The following CMKLR1 variants were observed in gnomAD, a reference collection of about 807,000 sequenced individuals.
The protein encoded by CMKLR1 is chemerin chemokine-like receptor 1.
CMKLR1 carries 6 observed loss-of-function variants against 8.2 expected under a neutral mutation model. That is an observed-to-expected ratio of 0.73 (90% CI 0.40 to 1.44). The LOEUF (loss-of-function observed/expected upper bound fraction) is 1.44, where lower values mean the gene tolerates loss of function less well. CMKLR1 is among the 40% of genes most tolerant of loss of function. CMKLR1 has a pLI of 0.02. For missense variants in CMKLR1, 429 were observed against 478.0 expected (o/e 0.90, Z 0.96); for synonymous variants, 178 against 181.2 (o/e 0.98, Z 0.14).
chr12:108,294,788 A>C (rs1891087347), intron 2 of CMKLR1, among the ~76,000 whole-genome samples: 1 of 152,182 alleles, frequency 6.6e-6, no homozygotes, highest in African/African-American at 2.4e-5. Context: ...AATGGGCTCC[A>C]AACCAGATAT....
intron 2 of CMKLR1, among the ~76,000 whole-genome samples, chr12:108,300,514 A>C (rs1173456773): frequency 6.6e-6 from 1 of 152,132 alleles, no homozygotes; most frequent in African/African-American, 2.4e-5. Flanking sequence ...TTTCTGTCTC[A>C]CTGGATCTGT....
chr12:108,301,226 C>A (rs1362081903), intron 2 of CMKLR1, among the ~76,000 whole-genome samples: 5 of 151,924 alleles, frequency 3.3e-5, no homozygotes, highest in South Asian at 4.2e-4. Context: ...CAGGCACATC[C>A]CACCACGCCC....
chr12:108,329,425 T>C (rs534007094), intron 2 of CMKLR1, among the ~76,000 whole-genome samples: 4 of 152,322 alleles, frequency 2.6e-5, no homozygotes, highest in African/African-American at 7.2e-5. Flanking sequence ...AATTCACCCT[T>C]TGAACCCAGC....
intron 2 of CMKLR1, among the ~76,000 whole-genome samples, chr12:108,299,367 T>C (rs1471874333): frequency 6.6e-6 from 1 of 152,106 alleles, no homozygotes; most frequent in Non-Finnish European, 1.5e-5. Flanking sequence ...TTTTTTTCAG[T>C]GTAGGAGTTT....
intron 1 of CMKLR1, among the ~76,000 whole-genome samples, chr12:108,332,171 C>T (rs1892123800): frequency 6.6e-6 from 1 of 152,228 alleles, no homozygotes; most frequent in African/African-American, 2.4e-5. Context: ...ACTCTCTCAA[C>T]AACCCTGGGC....
chr12:108,332,635 C>T (rs115128639), intron 1 of CMKLR1, among the ~76,000 whole-genome samples: 3,771 of 152,236 alleles, frequency 0.025, 170 homozygotes, highest in African/African-American at 0.087. Flanking sequence ...TTCTTGCCCT[C>T]GAACATCGGA....
At chr12:108,326,968 A>G (rs534592685) in intron 2 of CMKLR1, among the ~76,000 whole-genome samples, 184 of 152,084 alleles carry the variant, frequency 1.2e-3, no homozygotes, top group Non-Finnish European at 2.4e-3. Context: ...CCTGTCATCA[A>G]CTCTAATTTA....
chr12:108,320,742 A>T (rs1056568261), intron 2 of CMKLR1: 1 of 152,290 alleles, frequency 6.6e-6, no homozygotes, highest in Non-Finnish European at 1.5e-5. Context: ...GGTCACACCC[A>T]CATCCACACT....
intron 2 of CMKLR1, among the ~76,000 whole-genome samples, chr12:108,304,786 G>A (rs1438939651): frequency 2.6e-5 from 4 of 152,156 alleles, no homozygotes; most frequent in African/African-American, 4.8e-5. Flanking sequence ...TCACCTGTGC[G>A]CCTAGCCAGC....
intron 2 of CMKLR1, among the ~76,000 whole-genome samples, chr12:108,324,771 C>A (rs1891943594): frequency 6.6e-6 from 1 of 152,032 alleles, no homozygotes; most frequent in African/African-American, 2.4e-5. Flanking sequence ...GCTGAGGGTG[C>A]ACCCTTCTGC....
intron 2 of CMKLR1, among the ~76,000 whole-genome samples, chr12:108,303,245 C>T (rs1891324539): frequency 6.6e-6 from 1 of 152,310 alleles, no homozygotes; most frequent in African/African-American, 2.4e-5. Flanking sequence ...CCTCGTCGAG[C>T]CCAGCCCCTG....
In CMKLR1 at chr12:108,288,957, C is replaced by CG. The variant is rs964019925; in HGVS notation, c.*2883_*2884insC. 4 of 108,812 alleles carry CG rather than the reference C, an allele frequency of 3.7e-5. No individual in the cohort carries two copies. Among genetic ancestry groups the CG allele is most frequent in the South Asian group, 2.5e-4 (1 of 3,964 alleles). 6.7% of individuals were successfully genotyped at this position (108,812 alleles called of 1,614,324 possible). A position where few individuals can be genotyped will look rare whatever the true frequency, so the allele number is the denominator to read the frequency against. ...GAAACAGAAACTCACTTTCTGCACC[C>CG]CCCCCCCACCTTGCTATGATGGTCC... On this transcript the variant is annotated 3_prime_UTR_variant, in exon 4 of 4. Coordinates refer to ENST00000550402, the MANE Select transcript of CMKLR1 (RefSeq NM_001142343.2).
At chr12:108,310,017 A>G (rs977562133) in intron 2 of CMKLR1, among the ~76,000 whole-genome samples, 5 of 152,184 alleles carry the variant, frequency 3.3e-5, no homozygotes, top group African/African-American at 4.8e-5. Context: ...GTAAAGAGAA[A>G]GGGCTGGGGA....
chr12:108,318,556 G>GAT lies in CMKLR1; in HGVS notation c.-74+11437_-74+11438dup, dbSNP rs1346437959. Among the ~76,000 whole-genome samples, 6 of 152,330 alleles carry GAT rather than the reference G, an allele frequency of 3.9e-5. No individual in the cohort carries two copies. In the East Asian group the frequency reaches 1.2e-3, roughly 29 times the overall value. On this transcript the variant is annotated intron_variant, in intron 2 of 3. Coordinates refer to ENST00000550402, the MANE Select transcript of CMKLR1 (RefSeq NM_001142343.2). ...TCAGCTATCAGGAGAGAATTCTGTG[G>GAT]ATATATGACAGTATCCACAGTGTGA...
chr12:108,323,414 G>A (rs540081531), intron 2 of CMKLR1, among the ~76,000 whole-genome samples: 7 of 151,990 alleles, frequency 4.6e-5, no homozygotes, highest in East Asian at 3.9e-4. Context: ...CACAGGCTCC[G>A]GTGGGCTGGG....
intron 2 of CMKLR1, among the ~76,000 whole-genome samples, chr12:108,299,030 C>A (rs938727354): frequency 6.6e-6 from 1 of 152,246 alleles, no homozygotes; most frequent in Non-Finnish European, 1.5e-5. Context: ...GATGTGCAAT[C>A]TGCAAAATGA....
chr12:108,293,669 AGG>A lies in CMKLR1; in HGVS notation c.-73-7_-73-6del. ...CCTGTACACAGCTAGAAACACCTGT[AGG>A]GAAAAAAAAAAAAAAAAAAGCAGCA... is the stretch of plus-strand genomic sequence containing the variant. On this transcript the variant is annotated splice_region_variant and splice_polypyrimidine_tract_variant and intron_variant, in intron 2 of 3. Coordinates refer to ENST00000550402, the MANE Select transcript of CMKLR1 (RefSeq NM_001142343.2). 1.1e-6 allele frequency: 1 copy of A among 889,708 alleles called. No individual in the cohort carries two copies. Among genetic ancestry groups the A allele is most frequent in the Non-Finnish European group, 1.7e-6 (1 of 601,910 alleles). 55.1% of individuals were successfully genotyped at this position (889,708 alleles called of 1,614,324 possible).
In CMKLR1 at chr12:108,308,679, C is replaced by T. The variant is rs187040366; in HGVS notation, c.-73-15015G>A. 2.2e-3 allele frequency among the ~76,000 whole-genome samples: 331 copies of T among 152,246 alleles called. 2 individuals carry two copies. Among genetic ancestry groups the T allele is most frequent in the African/African-American group, 7.4e-3 (306 of 41,548 alleles). On this transcript the variant is annotated intron_variant, in intron 2 of 3. Transcript: ENST00000550402. ...GGGTGAGGACGGGCAAGGCAGGGGC[C>T]CCTCCAGACAGGCTGACTCAAATCC...
chr12:108,313,949 C>G (rs1891652830), intron 2 of CMKLR1, among the ~76,000 whole-genome samples: 3 of 152,192 alleles, frequency 2.0e-5, no homozygotes, highest in Admixed American at 2.0e-4. Flanking sequence ...CCACTTCCTC[C>G]CTTTAATCTC....
Sources: allele counts gnomAD v4.1 joint callset (sites outside exome capture counted in the v4.1 genomes callset), GRCh38; gene constraint gnomAD v4.1.1; transcripts MANE v1.5; gene names NCBI Gene and HGNC (gene_info 2026-07-23, HGNC 2026-07-21).